Variants in ANGPTL5 observed in about 807,000 individuals in gnomAD.
ANGPTL5 encodes angiopoietin like 5.
In ANGPTL5, 34 loss-of-function variants were observed where a neutral mutation model predicts 39.4. The ratio of observed to expected loss-of-function variants is 0.86; its 90% CI spans 0.66 to 1.15. ANGPTL5 has a LOEUF of 1.15. Among genes scored for constraint, ANGPTL5 ranks in the 50% most tolerant of loss-of-function variants. The pLI is 0.00. For missense variants in ANGPTL5, 467 were observed against 457.5 expected, an observed-to-expected ratio of 1.02 and a Z score of -0.19; for synonymous variants, 146 against 152.1, an observed-to-expected ratio of 0.96 and a Z score of 0.29.
At chr11:101,915,397 G>A in intron 1 of ANGPTL5, 2 of 1,613,110 alleles carry the variant, frequency 1.2e-6, no homozygotes, top group African/African-American at 1.3e-5. Flanking sequence ...GGGCATCACC[G>A]ACCTGGCTCT....
At chr11:101,903,390 C>T (rs1210889731) in intron 5 of ANGPTL5, among the ~76,000 whole-genome samples, 1 of 152,136 alleles carries the variant, frequency 6.6e-6, no homozygotes, top group Non-Finnish European at 1.5e-5. Context: ...CTGGAAGATA[C>T]TCTACTCTGT....
chr11:101,915,645 C>A (rs867537507), intron 1 of ANGPTL5, among the ~76,000 whole-genome samples: 10 of 152,186 alleles, frequency 6.6e-5, no homozygotes, highest in Non-Finnish European at 1.3e-4. Context: ...TCCCATTCTT[C>A]AACTTTGTAA....
chr11:101,896,386 C>A (rs747966674), intron 7 of ANGPTL5, among the ~76,000 whole-genome samples: 1 of 151,706 alleles, frequency 6.6e-6, no homozygotes, highest in Non-Finnish European at 1.5e-5. Flanking sequence ...TACTTAAGTT[C>A]TGGGACACAT....
At chr11:101,902,364 ATTTAC>A (rs1405965353) in intron 6 of ANGPTL5, among the ~76,000 whole-genome samples, 1 of 152,130 alleles carries the variant, frequency 6.6e-6, no homozygotes, top group Non-Finnish European at 1.5e-5. Flanking sequence ...CATCACATGG[ATTTAC>A]TTTAAAGAGT....
chr11:101,893,944 C>CT (rs1286427581), intron 8 of ANGPTL5, among the ~76,000 whole-genome samples: 1 of 152,184 alleles, frequency 6.6e-6, no homozygotes, highest in Admixed American at 6.5e-5. Flanking sequence ...TGGTTCTCAA[C>CT]TACAAGTATG....
Position 101,907,982 on chromosome 11 carries a change from G to C in ANGPTL5, c.-73C>G. On this transcript the variant is annotated 5_prime_UTR_variant, in exon 2 of 9. Transcript: ENST00000334289. Reference sequence around the variant, plus strand: ...TTTGTGGAAAGAACTACAGAGCATAGAGTCTTCAGTTAAAAACCTCTGGAA... The same window carrying C: ...TTTGTGGAAAGAACTACAGAGCATACAGTCTTCAGTTAAAAACCTCTGGAA... 1 of 1,072,766 alleles carries C rather than the reference G, an allele frequency of 9.3e-7. No individual in the cohort carries two copies. The highest frequency in any genetic ancestry group is 1.3e-5 in the South Asian group (1 of 75,832). The allele number at this position is 1,072,766 out of a possible 1,614,324, so 66.5% of individuals were successfully genotyped here. A position where few individuals can be genotyped will look rare whatever the true frequency, so the allele number is the denominator to read the frequency against.
chr11:101,906,900 A>G (rs981466084), intron 3 of ANGPTL5, among the ~76,000 whole-genome samples: 3 of 152,094 alleles, frequency 2.0e-5, no homozygotes, highest in African/African-American at 7.2e-5. Flanking sequence ...TGCACACAGA[A>G]TTAGCTACAT....
At chr11:101,899,592 G>A (rs960994692) in intron 7 of ANGPTL5, among the ~76,000 whole-genome samples, 2 of 152,206 alleles carry the variant, frequency 1.3e-5, no homozygotes, top group Non-Finnish European at 2.9e-5. Context: ...GGAAAAATCA[G>A]AAGTAATGCT....
chr11:101,910,418 AAAAAAAAT>A (rs1266193096), intron 1 of ANGPTL5, among the ~76,000 whole-genome samples: 8 of 134,932 alleles, frequency 5.9e-5, no homozygotes, highest in Non-Finnish European at 6.3e-5. Context: ...CTCAAAAAAA[AAAAAAAAT>A]ATATATATAT....
At chr11:101,914,049 G>T (rs1444057470) in intron 1 of ANGPTL5, among the ~76,000 whole-genome samples, 1 of 152,160 alleles carries the variant, frequency 6.6e-6, no homozygotes, top group East Asian at 1.9e-4. Context: ...ATTCCAATTT[G>T]AGTCATTGCA....
chr11:101,911,266 G>A (rs1251172708), intron 1 of ANGPTL5, among the ~76,000 whole-genome samples: 1 of 151,720 alleles, frequency 6.6e-6, no homozygotes, highest in Non-Finnish European at 1.5e-5. Flanking sequence ...AGGGATTACA[G>A]GCGCTTGCCA....
rs1370201636 is a variant in ANGPTL5, at chr11:101,914,330, T to C, written c.-93+1689A>G. On this transcript the variant is annotated intron_variant, in intron 1 of 8. Transcript: ENST00000334289. Reference sequence around the variant, plus strand: ...ACTGTCACTTGCATAGCCAATAAACTAGTGTCTCAAAAATCCATTTAATTT... The same window carrying C: ...ACTGTCACTTGCATAGCCAATAAACCAGTGTCTCAAAAATCCATTTAATTT... Among the ~76,000 whole-genome samples the C allele has an allele frequency of 2.6e-5, 4 of 152,228 alleles. No individual in the cohort carries two copies. The East Asian group carries it at 5.8e-4, about 22-fold the overall frequency.
chr11:101,893,033 T>C (rs1429533866), intron 8 of ANGPTL5, among the ~76,000 whole-genome samples: 1 of 152,186 alleles, frequency 6.6e-6, no homozygotes, highest in African/African-American at 2.4e-5. Context: ...CCATGGAGCA[T>C]TGCCTAAACA....
rs1363766288 is a variant in ANGPTL5 at position 101,890,771 on chromosome 11, C to G, written c.*508G>C. On this transcript the variant is annotated 3_prime_UTR_variant, in exon 9 of 9. Coordinates refer to ENST00000334289, the MANE Select transcript of ANGPTL5 (RefSeq NM_178127.5). The stretch of plus-strand genomic sequence containing the variant: ...AGAAAAACTATTTGGGCAGCAAACT[C>G]TTACTACTTTTAAAATGGTATGGCA... The G allele has an allele frequency of 6.6e-6, 1 of 152,366 alleles. No individual in the cohort carries two copies. Among genetic ancestry groups the G allele is most frequent in the African/African-American group, 2.4e-5 (1 of 41,420 alleles). The allele number at this position is 152,366 out of a possible 1,614,324, so 9.4% of individuals were successfully genotyped here.
chr11:101,899,194 T>C lies in ANGPTL5; in HGVS notation c.661+1236A>G, dbSNP rs570749744. On this transcript the variant is annotated intron_variant, in intron 7 of 8. Coordinates refer to ENST00000334289, the MANE Select transcript of ANGPTL5 (RefSeq NM_178127.5). ...ACGGAGGAGTCCCTCTTTTTCCTAC[T>C]GGTTGGAATAGTTTCAGAAAGAATG... 3.3e-5 allele frequency among the ~76,000 whole-genome samples: 5 copies of C among 152,316 alleles called. No individual in the cohort carries two copies. The South Asian group carries it at 1.0e-3, about 32-fold the overall frequency.
chr11:101,898,826 C>T (rs1591253585), intron 7 of ANGPTL5, among the ~76,000 whole-genome samples: 1 of 152,062 alleles, frequency 6.6e-6, no homozygotes, highest in Non-Finnish European at 1.5e-5. Flanking sequence ...TCTATCAATA[C>T]CTAGTTTATT....
chr11:101,900,649 G>A (rs1380664154), intron 6 of ANGPTL5, 99 bp from the exon 7 acceptor site: 14 of 1,309,034 alleles, frequency 1.1e-5, no homozygotes, highest in Admixed American at 1.8e-5. Flanking sequence ...AAAAAGAGAC[G>A]GTACTGCCAC....
At chr11:101,915,673 A>G (rs1193110056) in intron 1 of ANGPTL5, among the ~76,000 whole-genome samples, 1 of 152,202 alleles carries the variant, frequency 6.6e-6, no homozygotes, top group Non-Finnish European at 1.5e-5. Context: ...GTGAATTTTA[A>G]AACACATCAA....
At chr11:101,908,150 G>A in intron 1 of ANGPTL5, 149 bp from the exon 2 acceptor site, 1 of 375,548 alleles carries the variant, frequency 2.7e-6, no homozygotes, top group South Asian at 3.3e-5. Context: ...CTTCATGTCT[G>A]TATTATAAAT....
Sources: gnomAD v4.1 joint callset for allele counts (sites outside exome capture counted in the v4.1 genomes callset) on GRCh38, gnomAD v4.1.1 for gene constraint, MANE v1.5 for transcripts, NCBI Gene and HGNC (gene_info 2026-07-23, HGNC 2026-07-21) for gene names.